HOOK3: variants seen among roughly 807,000 people sequenced by gnomAD.
HOOK3 encodes the protein hook microtubule tethering protein 3.
A neutral mutation model predicts 116.3 loss-of-function variants in HOOK3; 24 were observed. That is an observed-to-expected ratio of 0.21 (90% CI 0.15 to 0.29). The LOEUF (loss-of-function observed/expected upper bound fraction) is 0.29. Ranked by LOEUF, HOOK3 falls within the 10% of genes least tolerant of loss-of-function variation. The probability of loss-of-function intolerance (pLI) is 1.00; values close to 1 mark genes in which losing one functional copy is unlikely to be tolerated. For synonymous variants in HOOK3, 275 were observed against 283.0 expected (o/e 0.97, Z 0.28); for missense variants, 632 against 830.2 (o/e 0.76, Z 2.93).
At position 42,897,101 on chromosome 8, in the gene HOOK3, C is replaced by T. The variant is rs1310522961; in HGVS notation, c.-31C>T. 1 of 1,238,478 alleles carries T rather than the reference C, an allele frequency of 8.1e-7. No individual in the cohort carries two copies. 76.7% of individuals were successfully genotyped at this position (1,238,478 alleles called of 1,614,324 possible). ...AGAGCGGCGGCGGTGTCTGGCCAGG[C>T]GGTAGGCGCTGCCTGGCCGCGGCGG... is the stretch of plus-strand genomic sequence containing the variant. On this transcript the variant is annotated 5_prime_UTR_variant, in exon 1 of 22. Coordinates refer to ENST00000307602, the MANE Select transcript of HOOK3 (RefSeq NM_032410.4).
chr8:42,922,957 T>C (rs770441161), intron 2 of HOOK3, among the ~76,000 whole-genome samples: 8 of 151,852 alleles, frequency 5.3e-5, no homozygotes, highest in Non-Finnish European at 1.0e-4. Context: ...ATCATATGTC[T>C]GTTAAGAGGC....
At chr8:42,992,740 A>C (rs1809191771) in intron 15 of HOOK3, among the ~76,000 whole-genome samples, 2 of 148,382 alleles carry the variant, frequency 1.3e-5, no homozygotes, top group South Asian at 4.3e-4. Flanking sequence ...AAGAAATGTT[A>C]CTGATTTTTG....
intron 2 of HOOK3, among the ~76,000 whole-genome samples, chr8:42,919,664 A>C (rs1807614232): frequency 6.6e-6 from 1 of 152,188 alleles, no homozygotes; most frequent in South Asian, 2.1e-4. Flanking sequence ...TTGAGCACTG[A>C]GTGAGCGAGA....
At chr8:43,018,324 T>G in intron 21 of HOOK3, 34 bp from the exon 22 acceptor site, 1 of 1,546,808 alleles carries the variant, frequency 6.5e-7, no homozygotes, top group African/African-American at 1.4e-5. Context: ...CCACTATTTT[T>G]TCATTGATTC....
At chr8:42,914,551 A>G (rs541506373) in intron 2 of HOOK3, among the ~76,000 whole-genome samples, 22 of 152,312 alleles carry the variant, frequency 1.4e-4, no homozygotes, top group African/African-American at 4.3e-4. Flanking sequence ...TGGGACTTCA[A>G]TATGGCCCTT....
chr8:42,965,061 C>T (rs1003603594), intron 9 of HOOK3, among the ~76,000 whole-genome samples: 3 of 152,272 alleles, frequency 2.0e-5, no homozygotes, highest in African/African-American at 4.8e-5. Flanking sequence ...GAAACAAAGG[C>T]GACTGAGGAA....
At chr8:42,973,965 T>A in intron 12 of HOOK3, 142 bp from the exon 13 acceptor site, 1 of 678,874 alleles carries the variant, frequency 1.5e-6, no homozygotes, top group Non-Finnish European at 2.7e-6. Flanking sequence ...TTCCTCCTTC[T>A]ATGATCTTTC....
At chr8:42,971,685 A>G (rs529739626) in intron 11 of HOOK3, among the ~76,000 whole-genome samples, 8 of 150,622 alleles carry the variant, frequency 5.3e-5, no homozygotes, top group Admixed American at 2.7e-4. Context: ...TTTATTAATT[A>G]ATTTATTTAT....
chr8:42,994,985 T>G (rs1586626551), intron 15 of HOOK3, among the ~76,000 whole-genome samples: 1 of 152,232 alleles, frequency 6.6e-6, no homozygotes, highest in South Asian at 2.1e-4. Flanking sequence ...CCATTTTGCT[T>G]TCTGAAAAGA....
intron 11 of HOOK3, among the ~76,000 whole-genome samples, chr8:42,972,482 G>C (rs1480690871): frequency 6.6e-6 from 1 of 151,964 alleles, no homozygotes; most frequent in East Asian, 1.9e-4. Flanking sequence ...TATGATCATA[G>C]CTCACTGCAA....
In HOOK3 at chr8:43,011,582, G is replaced by A. The variant is rs1033427907; in HGVS notation, c.1839+1177G>A. Among the ~76,000 whole-genome samples, 6 of 152,184 alleles carry A rather than the reference G, an allele frequency of 3.9e-5. No homozygotes were observed. In the East Asian group the frequency reaches 1.2e-3, roughly 29 times the overall value. On this transcript the variant is annotated intron_variant, in intron 19 of 21. Transcript: ENST00000307602. Reference sequence around the variant, plus strand: ...GGGCTTGAACATTTTGATAGTAAAAGTATTAGGGGAGCTGGGCACAGTGGC... The same window carrying A: ...GGGCTTGAACATTTTGATAGTAAAAATATTAGGGGAGCTGGGCACAGTGGC...
chr8:42,942,730 G>A (rs958873326), intron 4 of HOOK3, among the ~76,000 whole-genome samples: 1 of 152,208 alleles, frequency 6.6e-6, no homozygotes, highest in African/African-American at 2.4e-5. Flanking sequence ...ACTATCAAAA[G>A]CTGATTGGAA....
chr8:43,029,768 A>T lies in HOOK3; in HGVS notation c.*11270A>T, dbSNP rs2130510748. On this transcript the variant is annotated 3_prime_UTR_variant, in exon 22 of 22. Coordinates refer to ENST00000307602, the MANE Select transcript of HOOK3 (RefSeq NM_032410.4). ...TTTTTTTTCCCCCTGTAGTATTTTT[A>T]AAACTTTTTAGATGAGCTGGATGAA... 4.9e-6 allele frequency: 1 copy of T among 203,986 alleles called. No homozygotes were observed. Among genetic ancestry groups the T allele is most frequent in the South Asian group, 1.9e-4 (1 of 5,256 alleles). The allele number at this position is 203,986 out of a possible 1,614,324, so 12.6% of individuals were successfully genotyped here.
chr8:42,985,586 C>T (rs912150767), intron 14 of HOOK3, among the ~76,000 whole-genome samples: 12 of 151,948 alleles, frequency 7.9e-5, no homozygotes, highest in African/African-American at 2.7e-4. Flanking sequence ...GTCTTCTTTT[C>T]CGTACAATGT....
rs1344428625 is a variant in HOOK3, at chr8:43,009,149, C to A, written c.1739-1156C>A. Among the ~76,000 whole-genome samples, 9 of 151,718 alleles carry A rather than the reference C, an allele frequency of 5.9e-5. No homozygotes were observed. In the East Asian group the frequency reaches 1.7e-3, roughly 29 times the overall value. On this transcript the variant is annotated intron_variant, in intron 18 of 21. Coordinates refer to ENST00000307602, the MANE Select transcript of HOOK3 (RefSeq NM_032410.4). ...AGCAACGGTGGCTCACTCCTGTAAT[C>A]CTAGCACTTATTTGGGAGGCCGAGG...
chr8:42,994,969 A>G (rs553212540), intron 15 of HOOK3, among the ~76,000 whole-genome samples: 10 of 152,370 alleles, frequency 6.6e-5, no homozygotes, highest in African/African-American at 2.2e-4. Context: ...AGTTGAATAC[A>G]TATTTCCATT....
chr8:43,013,182 T>C, intron 20 of HOOK3, 27 bp downstream of exon 20: 1 of 1,513,234 alleles, frequency 6.6e-7, no homozygotes, highest in Non-Finnish European at 9.0e-7. Flanking sequence ...TACAATAAAA[T>C]AATTGTGTTT....
chr8:42,898,480 A>G (rs895256022), intron 1 of HOOK3, among the ~76,000 whole-genome samples: 3 of 152,204 alleles, frequency 2.0e-5, no homozygotes, highest in Non-Finnish European at 4.4e-5. Context: ...GAGGTTTCTG[A>G]CTAGGCAGGG....
chr8:42,964,080 G>A (rs545609751), intron 8 of HOOK3, among the ~76,000 whole-genome samples: 9 of 152,258 alleles, frequency 5.9e-5, no homozygotes, highest in Admixed American at 2.6e-4. Flanking sequence ...GGTGGTGGGC[G>A]CCTGTAGTCC....
Sources: allele counts gnomAD v4.1 joint callset (sites outside exome capture counted in the v4.1 genomes callset), GRCh38; gene constraint gnomAD v4.1.1; transcripts MANE v1.5; gene names NCBI Gene and HGNC (gene_info 2026-07-23, HGNC 2026-07-21).